Variants in CPS1 observed in about 807,000 individuals in gnomAD.
The protein encoded by CPS1 is carbamoyl-phosphate synthase 1.
Under a neutral mutation model 174.6 loss-of-function variants are expected in CPS1, and 109 were observed. That is an observed-to-expected ratio of 0.62 (90% CI 0.53 to 0.73). The LOEUF (loss-of-function observed/expected upper bound fraction) is 0.73, where lower values mean the gene tolerates loss of function less well. Among genes scored for constraint, CPS1 ranks in the 30% least tolerant of loss-of-function variants. The probability of loss-of-function intolerance (pLI) is 0.00; values close to 1 mark genes in which losing one functional copy is unlikely to be tolerated. For synonymous variants in CPS1, 637 were observed against 632.0 expected, an observed-to-expected ratio of 1.01 and a Z score of -0.12; for missense variants, 1,689 against 1,821.9, an observed-to-expected ratio of 0.93 and a Z score of 1.33.
intron 1 of CPS1, among the ~76,000 whole-genome samples, chr2:210,530,573 G>T (rs1234036469): frequency 6.6e-6 from 1 of 152,062 alleles, no homozygotes; most frequent in Admixed American, 6.6e-5. Context: ...CAATGTTGAG[G>T]TGGGTATAAT....
chr2:210,652,397 T>C (rs1700585165), intron 28 of CPS1, among the ~76,000 whole-genome samples: 1 of 151,886 alleles, frequency 6.6e-6, no homozygotes, highest in African/African-American at 2.4e-5. Flanking sequence ...TGGAAAGAGG[T>C]GAGTGAGTTG....
Position 210,678,144 on chromosome 2 carries a change from G to A in CPS1, c.*159G>A. 5.5e-6 allele frequency: 4 copies of A among 723,998 alleles called. No individual in the cohort carries two copies. Among genetic ancestry groups the A allele is most frequent in the Non-Finnish European group, 1.0e-5 (4 of 391,638 alleles). The allele number at this position is 723,998 out of a possible 1,614,324, so 44.8% of individuals were successfully genotyped here. A position where few individuals can be genotyped will look rare whatever the true frequency, so the allele number is the denominator to read the frequency against. The stretch of plus-strand genomic sequence containing the variant: ...ATTCTGTGTCTTTTGCAATTAAATT[G>A]TCAGTCACTTCTTCAAAACCTTACA... On this transcript the variant is annotated 3_prime_UTR_variant, in exon 38 of 38. Coordinates refer to ENST00000233072, the MANE Select transcript of CPS1 (RefSeq NM_001875.5).
chr2:210,647,971 G>A lies in CPS1; in HGVS notation c.3250G>A (p.Asp1084Asn), dbSNP rs777363145. 20 of 1,614,032 alleles carry A rather than the reference G, an allele frequency of 1.2e-5. 1 individual carries two copies. The East Asian group carries it at 2.2e-4, about 18-fold the overall frequency. ...KIMGTSPLQI[D>N]RAEDRSIFSA... is the part of the protein sequence containing the mutation. ...CATGGGCACAAGCCCCCTGCAGATC[G>A]ACAGGGCTGAGGATCGCTCCATCTT... Residue 1084 changes from aspartate to asparagine, a missense_variant, in exon 26 of 38, where the codon GAC becomes AAC. Physicochemically the swap from Asp to Asn is conservative, Grantham distance 23 (BLOSUM62 1). Coordinates refer to ENST00000233072, the MANE Select transcript of CPS1 (RefSeq NM_001875.5).
intron 9 of CPS1, 33 bp from the exon 10 acceptor site, chr2:210,591,798 T>C (rs1432807153): frequency 2.5e-6 from 4 of 1,606,796 alleles, no homozygotes; most frequent in Non-Finnish European, 8.5e-7. Flanking sequence ...TCACTTTTCC[T>C]TTTCCCTATT....
chr2:210,639,035 C>A, intron 22 of CPS1, 115 bp from the exon 23 acceptor site: 1 of 770,724 alleles, frequency 1.3e-6, no homozygotes, highest in Non-Finnish European at 2.2e-6. Flanking sequence ...TTCCTGTTTG[C>A]ATACTTTACA....
intron 4 of CPS1, among the ~76,000 whole-genome samples, chr2:210,578,389 C>T (rs1697784704): frequency 6.6e-6 from 1 of 152,114 alleles, no homozygotes; most frequent in Non-Finnish European, 1.5e-5. Context: ...GGATTACAGG[C>T]TCACATGAGC....
chr2:210,587,275 A>G (rs1330504943), intron 6 of CPS1, among the ~76,000 whole-genome samples: 2 of 152,190 alleles, frequency 1.3e-5, no homozygotes, highest in Non-Finnish European at 1.5e-5. Flanking sequence ...AAACGATGAA[A>G]TCATCCTAAA....
chr2:210,636,716 G>A (rs2105894262), intron 21 of CPS1, among the ~76,000 whole-genome samples: 1 of 152,208 alleles, frequency 6.6e-6, no homozygotes, highest in East Asian at 1.9e-4. Context: ...GAAGTTCAGT[G>A]TGGATGACAG....
At position 210,605,193 on chromosome 2, in the gene CPS1, A is replaced by G. The variant is rs1698864348; in HGVS notation, c.1928A>G (p.Asn643Ser). The G allele has an allele frequency of 6.2e-7, 1 of 1,612,164 alleles. No homozygotes were observed. Among genetic ancestry groups the G allele is most frequent in the Admixed American group, 1.7e-5 (1 of 59,828 alleles). The part of the protein sequence containing the change: ...EYEVVRDADD[N>S]CVTVCNMENV... Reference sequence around the variant, plus strand: ...GAAGTGGTTCGAGATGCTGATGACAATTGTGTCACTGTCTGTAACATGGAA... The same window carrying G: ...GAAGTGGTTCGAGATGCTGATGACAGTTGTGTCACTGTCTGTAACATGGAA... Residue 643 changes from asparagine to serine, a missense_variant, in exon 17 of 38, where the codon AAT becomes AGT. Coordinates refer to ENST00000233072, the MANE Select transcript of CPS1 (RefSeq NM_001875.5).
At chr2:210,539,994 A>T (rs940317839) in intron 1 of CPS1, among the ~76,000 whole-genome samples, 5 of 152,098 alleles carry the variant, frequency 3.3e-5, no homozygotes, top group African/African-American at 1.2e-4. Flanking sequence ...GTGGTCCTGG[A>T]TCAGGGGTTG....
chr2:210,568,707 T>C, intron 1 of CPS1, among the ~76,000 whole-genome samples: 1 of 151,834 alleles, frequency 6.6e-6, no homozygotes, highest in East Asian at 1.9e-4. Flanking sequence ...GGGAGAGAGG[T>C]TGAGACTCCA....
intron 27 of CPS1, among the ~76,000 whole-genome samples, chr2:210,648,819 C>T (rs1164592661): frequency 6.6e-6 from 1 of 152,130 alleles, no homozygotes; most frequent in African/African-American, 2.4e-5. Flanking sequence ...TATTAAAGAA[C>T]AGGACAATTT....
At chr2:210,496,188 G>T (rs1454740444) in intron 1 of CPS1, among the ~76,000 whole-genome samples, 1 of 152,112 alleles carries the variant, frequency 6.6e-6, no homozygotes, top group Non-Finnish European at 1.5e-5. Flanking sequence ...CTGTCCCTGG[G>T]TTCTGTGATT....
In CPS1 at chr2:210,524,220, C is replaced by T. The variant is rs117301375; in HGVS notation, c.4-32499C>T. Among the ~76,000 whole-genome samples, 10 of 151,898 alleles carry T rather than the reference C, an allele frequency of 6.6e-5. No individual in the cohort carries two copies. The East Asian group carries it at 1.9e-3, about 30-fold the overall frequency. On this transcript the variant is annotated intron_variant, in intron 1 of 38. Coordinates refer to the CPS1 transcript ENST00000430249. ...TCAGGGTTCTCAGTTTGAATCTGCCCCAGGCTTTGATTTTTTTCTATAGTT... is the reference window on the plus strand; with the variant it reads ...TCAGGGTTCTCAGTTTGAATCTGCCTCAGGCTTTGATTTTTTTCTATAGTT...
Position 210,616,356 on chromosome 2 carries a change from A to T in CPS1, c.2569-67A>T, listed in dbSNP as rs999204699. 2.1e-5 allele frequency: 23 copies of T among 1,109,768 alleles called. No homozygotes were observed. The African/African-American group carries it at 3.6e-4, about 17-fold the overall frequency. The allele number at this position is 1,109,768 out of a possible 1,614,324, so 68.7% of individuals were successfully genotyped here. A position where few individuals can be genotyped will look rare whatever the true frequency, so the allele number is the denominator to read the frequency against. On this transcript the variant is annotated intron_variant, in intron 20 of 37. Coordinates refer to ENST00000233072, the MANE Select transcript of CPS1 (RefSeq NM_001875.5). ...ACACACAGAGGCATGACTGCTATGT[A>T]TTTTAAACCAAATAAGACATTTAGA...
At chr2:210,557,737 T>C (rs1696960767) in intron 1 of CPS1, among the ~76,000 whole-genome samples, 1 of 152,026 alleles carries the variant, frequency 6.6e-6, no homozygotes, top group South Asian at 2.1e-4. Context: ...GCTGTAAAAT[T>C]TGAAATAGAA....
intron 18 of CPS1, among the ~76,000 whole-genome samples, chr2:210,607,167 C>T (rs185986712): frequency 3.3e-5 from 5 of 151,996 alleles, no homozygotes; most frequent in East Asian, 1.9e-4. Context: ...CTAATCTAAA[C>T]GAATCAAAAT....
At chr2:210,573,491 C>A in intron 2 of CPS1, 84 bp downstream of exon 2, 1 of 1,050,288 alleles carries the variant, frequency 9.5e-7, no homozygotes, top group Non-Finnish European at 1.5e-6. Flanking sequence ...AAGTTGAAAT[C>A]ACTGCATCGT....
At chr2:210,485,650 G>T (rs1053145583) in intron 1 of CPS1, among the ~76,000 whole-genome samples, 1 of 151,912 alleles carries the variant, frequency 6.6e-6, no homozygotes, top group South Asian at 2.1e-4. Context: ...GTATGAATTT[G>T]CTTCTCAAGA....
Sources: allele counts gnomAD v4.1 joint callset (sites outside exome capture counted in the v4.1 genomes callset), GRCh38; gene constraint gnomAD v4.1.1; transcripts MANE v1.5; gene names NCBI Gene and HGNC (gene_info 2026-07-23, HGNC 2026-07-21).